CPVL: variants seen among roughly 807,000 people sequenced by gnomAD.
CPVL encodes the protein probable serine carboxypeptidase CPVL.
Under a neutral mutation model 63.7 loss-of-function variants are expected in CPVL, and 51 were observed. That is an observed-to-expected ratio of 0.80 (90% CI 0.64 to 1.01). The LOEUF is 1.01. CPVL is among the 50% of genes least tolerant of loss of function. The pLI, the probability that CPVL is intolerant of heterozygous loss-of-function variation, is 0.00. For synonymous variants in CPVL, 195 were observed against 206.0 expected, an observed-to-expected ratio of 0.95 and a Z score of 0.46; for missense variants, 530 against 573.1, an observed-to-expected ratio of 0.92 and a Z score of 0.77.
chr7:29,135,103 CAAAAAA>C (rs56954460), intron 1 of CPVL, among the ~76,000 whole-genome samples: 1 of 121,334 alleles, frequency 8.2e-6, no homozygotes, highest in African/African-American at 3.1e-5. Context: ...GACCTTGCCT[CAAAAAA>C]AAAAAAAAAA....
intron 3 of CPVL, among the ~76,000 whole-genome samples, chr7:29,103,365 C>T (rs1484834749): frequency 4.6e-5 from 7 of 150,566 alleles, no homozygotes; most frequent in African/African-American, 1.7e-4. Flanking sequence ...CCTGCCTCAG[C>T]CTCCTGAGTA....
intron 11 of CPVL, among the ~76,000 whole-genome samples, chr7:29,031,358 A>G (rs1180939217): frequency 6.6e-6 from 1 of 152,240 alleles, no homozygotes; most frequent in Non-Finnish European, 1.5e-5. Context: ...CTGCTTGTCA[A>G]CAGTGAGGAA....
upstream of CPVL, among the ~76,000 whole-genome samples, chr7:29,149,135 T>C (rs1214575840): frequency 6.6e-6 from 1 of 151,086 alleles, no homozygotes; most frequent in Non-Finnish European, 1.5e-5. Flanking sequence ...GCAAGAATGC[T>C]GAGCTCTAGA....
At chr7:29,087,962 A>G (rs1785379854) in intron 6 of CPVL, among the ~76,000 whole-genome samples, 1 of 152,224 alleles carries the variant, frequency 6.6e-6, no homozygotes, top group African/African-American at 2.4e-5. Context: ...CTGGCTTTAG[A>G]GTGCAGATAA....
chr7:29,064,067 A>AT lies in CPVL; in HGVS notation c.1130dup (p.Asn377LysfsTer3). On this transcript the variant is annotated frameshift_variant, in exon 11 of 13. Transcript: ENST00000265394. LOFTEE classifies it high-confidence loss of function. The stretch of plus-strand genomic sequence containing the variant: ...ACTGAAGTAGCTCTCTTACCTTATA[A>AT]TTATTCATGATTTCAGTTAACCATG... 6.2e-7 allele frequency: 1 copy of AT among 1,609,124 alleles called. No homozygotes were observed. The highest frequency in any genetic ancestry group is 1.3e-5 in the African/African-American group (1 of 74,854).
chr7:29,087,307 C>T (rs962690065), intron 6 of CPVL, among the ~76,000 whole-genome samples: 1 of 151,354 alleles, frequency 6.6e-6, no homozygotes, highest in African/African-American at 2.4e-5. Context: ...GCCTGTAGTC[C>T]CAGCTACTCA....
intron 9 of CPVL, among the ~76,000 whole-genome samples, chr7:29,069,194 C>G (rs796490734): frequency 1.3e-5 from 2 of 151,644 alleles, no homozygotes; most frequent in South Asian, 4.2e-4. Flanking sequence ...AATCCCAGCA[C>G]TTTGGAAGGC....
At chr7:29,160,216 GC>G (rs1267222487) in intron 5 of CPVL, among the ~76,000 whole-genome samples, 1 of 152,096 alleles carries the variant, frequency 6.6e-6, no homozygotes, top group Non-Finnish European at 1.5e-5. Flanking sequence ...ATATGTACTG[GC>G]CACCCACAGT....
At chr7:29,079,015 G>C (rs1784461773) in intron 7 of CPVL, among the ~76,000 whole-genome samples, 1 of 152,162 alleles carries the variant, frequency 6.6e-6, no homozygotes, top group African/African-American at 2.4e-5. Context: ...TCCAAGCCTT[G>C]AGAAATAATT....
At chr7:29,089,758 G>A (rs1785581944) in intron 6 of CPVL, among the ~76,000 whole-genome samples, 1 of 152,178 alleles carries the variant, frequency 6.6e-6, no homozygotes, top group African/African-American at 2.4e-5. Context: ...GCCCTAAGCT[G>A]CTACTCGGAC....
chr7:29,020,300 G>C (rs757471640), intron 12 of CPVL, among the ~76,000 whole-genome samples: 2 of 152,136 alleles, frequency 1.3e-5, no homozygotes, highest in Non-Finnish European at 2.9e-5. Flanking sequence ...TAGCAGATGG[G>C]GGGAGGTAAC....
chr7:29,017,452 G>A (rs1196694280), intron 12 of CPVL, among the ~76,000 whole-genome samples: 13 of 152,136 alleles, frequency 8.5e-5, no homozygotes, highest in East Asian at 1.9e-4. Flanking sequence ...TGGCCAACAC[G>A]GTGAAACCCC....
intron 1 of CPVL, among the ~76,000 whole-genome samples, chr7:29,189,882 G>T (rs1782671588): frequency 6.6e-6 from 1 of 152,166 alleles, no homozygotes; most frequent in Non-Finnish European, 1.5e-5. Context: ...TGCCTGCGTC[G>T]TGTGCCGCCA....
intron 12 of CPVL, among the ~76,000 whole-genome samples, chr7:29,017,369 C>T (rs1786516843): frequency 6.6e-6 from 1 of 152,228 alleles, no homozygotes; most frequent in African/African-American, 2.4e-5. Flanking sequence ...CGTGGTGGCT[C>T]ACGCCTGTAA....
intron 5 of CPVL, among the ~76,000 whole-genome samples, chr7:29,155,019 G>A (rs1794142784): frequency 6.6e-6 from 1 of 152,138 alleles, no homozygotes. Flanking sequence ...TGCTTGTGCA[G>A]GGAAACTCCC....
At chr7:29,023,995 AAAAT>A (rs1244238624) in intron 12 of CPVL, among the ~76,000 whole-genome samples, 1 of 152,244 alleles carries the variant, frequency 6.6e-6, no homozygotes, top group East Asian at 1.9e-4. Flanking sequence ...ATTTCAATGA[AAAAT>A]AAATCTATGA....
At chr7:29,056,200 C>G (rs1265322223) in intron 11 of CPVL, among the ~76,000 whole-genome samples, 1 of 152,160 alleles carries the variant, frequency 6.6e-6, no homozygotes, top group Non-Finnish European at 1.5e-5. Context: ...CATCAAATCA[C>G]CTAAAGTCCA....
chr7:29,061,179 G>C (rs540111640), intron 11 of CPVL, among the ~76,000 whole-genome samples: 1 of 152,234 alleles, frequency 6.6e-6, no homozygotes, highest in South Asian at 2.1e-4. Flanking sequence ...AGGCCGAGGC[G>C]GGTGGATCAC....
chr7:29,113,001 G>A (rs989968090), intron 2 of CPVL, 179 bp from the exon 3 acceptor site: 10 of 508,632 alleles, frequency 2.0e-5, no homozygotes, highest in East Asian at 8.7e-5. Context: ...CATAGTCCAC[G>A]TTCACAATTT....
Sources: gnomAD v4.1 joint callset for allele counts (sites outside exome capture counted in the v4.1 genomes callset) on GRCh38, gnomAD v4.1.1 for gene constraint, MANE v1.5 for transcripts, NCBI Gene and HGNC (gene_info 2026-07-23, HGNC 2026-07-21) for gene names.